The following LRIT3 variants were observed in gnomAD, a reference collection of about 807,000 sequenced individuals.
The protein encoded by LRIT3 is leucine rich repeat, Ig-like and transmembrane domains 3, also known as leucine-rich repeat, immunoglobulin-like domain and transmembrane domain-containing protein 3.
LRIT3 carries 14 observed loss-of-function variants against 22.6 expected under a neutral mutation model. That is an observed-to-expected ratio of 0.62 (90% CI 0.41 to 0.97). LRIT3 has a LOEUF of 0.97. Ranked by LOEUF, LRIT3 falls within the 50% of genes least tolerant of loss-of-function variation. The pLI is 0.00. For synonymous variants in LRIT3, 306 were observed against 304.5 expected (o/e 1.01, Z -0.05); for missense variants, 783 against 803.0 (o/e 0.98, Z 0.30).
chr4:109,871,486 A>G lies in LRIT3; in HGVS notation c.*697A>G, dbSNP rs1198056270. 2.6e-5 allele frequency: 4 copies of G among 152,234 alleles called. No homozygotes were observed. The highest frequency in any genetic ancestry group is 5.9e-5 in the Non-Finnish European group (4 of 68,038). The allele number at this position is 152,234 out of a possible 1,614,324, so 9.4% of individuals were successfully genotyped here. On this transcript the variant is annotated 3_prime_UTR_variant, in exon 4 of 4. Transcript: ENST00000594814. ...TTAAACACATCGACTGACAGATTAT[A>G]TGGATATTTAAAAATAACTTTAAAT...
At position 109,870,163 on chromosome 4, in the gene LRIT3, C is replaced by G. The variant is rs980033089; in HGVS notation, c.1414C>G (p.Leu472Val). 8.1e-6 allele frequency: 13 copies of G among 1,614,082 alleles called. No homozygotes were observed. In the African/African-American group the frequency reaches 1.7e-4, roughly 22 times the overall value. Residue 472 changes from leucine to valine, a missense_variant, in exon 4 of 4, where the codon CTG (leucine) becomes GTG (valine). Coordinates refer to ENST00000594814, the MANE Select transcript of LRIT3 (RefSeq NM_198506.5). ...AGCCAGCACAAGTAAGAAAGAAGAG[C>G]TGGCATTGTTGGATCAAACAATGCT... ...PPASTSKKEE[L>V]ALLDQTMLTE...
chr4:109,852,830 C>A (rs1385115360), intron 2 of LRIT3, among the ~76,000 whole-genome samples: 1 of 152,048 alleles, frequency 6.6e-6, no homozygotes, highest in African/African-American at 2.4e-5. Context: ...TGAGTGAGAA[C>A]ATGCAGTGTT....
chr4:109,868,991 T>C (rs1734754199), intron 3 of LRIT3, among the ~76,000 whole-genome samples: 1 of 152,182 alleles, frequency 6.6e-6, no homozygotes, highest in Admixed American at 6.5e-5. Context: ...TACCCAGATA[T>C]CAGAGTTTAG....
chr4:109,866,872 C>T (rs116384554), intron 2 of LRIT3, among the ~76,000 whole-genome samples: 5 of 152,140 alleles, frequency 3.3e-5, no homozygotes, highest in Non-Finnish European at 7.4e-5. Context: ...GTCCGCTAAC[C>T]GCATTGCTTG....
chr4:109,849,484 A>G (rs1292596891), intron 1 of LRIT3, among the ~76,000 whole-genome samples: 4 of 152,260 alleles, frequency 2.6e-5, no homozygotes, highest in Non-Finnish European at 1.5e-5. Context: ...ACTAAACTGT[A>G]TGGAGACCAA....
At chr4:109,855,691 C>T (rs933725877) in intron 2 of LRIT3, among the ~76,000 whole-genome samples, 11 of 151,606 alleles carry the variant, frequency 7.3e-5, no homozygotes, top group Non-Finnish European at 1.3e-4. Flanking sequence ...CTATAAATTT[C>T]GCTCTACACA....
intron 2 of LRIT3, among the ~76,000 whole-genome samples, chr4:109,863,242 G>A (rs997930380): frequency 6.6e-6 from 1 of 152,160 alleles, no homozygotes; most frequent in Non-Finnish European, 1.5e-5. Flanking sequence ...TGGCGGTTAA[G>A]AGCTTTAACC....
In LRIT3 at chr4:109,870,650, C is replaced by T; in HGVS notation, c.1901C>T (p.Pro634Leu). The T allele has an allele frequency of 6.2e-7, 1 of 1,614,022 alleles. No homozygotes were observed. Among genetic ancestry groups the T allele is most frequent in the Non-Finnish European group, 8.5e-7 (1 of 1,179,984 alleles). ...TATATCCAATTTGAGACCCTGTTTC[C>T]CAGGTCTCAAAGTGTAGGTGAGCTC... ...ETYIQFETLF[P>L]RSQSVGELWT... Residue 634 changes from proline (P) to leucine (L), a missense_variant, in exon 4 of 4, where the codon CCC (proline) becomes CTC (leucine). Coordinates refer to ENST00000594814, the MANE Select transcript of LRIT3 (RefSeq NM_198506.5).
At chr4:109,868,368 T>G (rs1734737457) in intron 3 of LRIT3, among the ~76,000 whole-genome samples, 1 of 152,076 alleles carries the variant, frequency 6.6e-6, no homozygotes, top group Non-Finnish European at 1.5e-5. Context: ...GTCAGGAGTT[T>G]GAGACCAGCC....
rs1279013186 is a variant in LRIT3, at chr4:109,867,793, T to G, written c.742T>G (p.Leu248Val). 4 of 1,614,064 alleles carry G rather than the reference T, an allele frequency of 2.5e-6. No homozygotes were observed. The highest frequency in any genetic ancestry group is 3.3e-5 in the Admixed American group (2 of 60,002). The change falls in exon 3 of 4, where the codon TTG becomes GTG. Residue 248 changes from leucine (L) to valine (V), a missense_variant. By Grantham distance (32) the Leu-to-Val change is conservative. This residue lies in a region of LRIT3 where 756 missense variants were observed against 753.8 expected (regional missense o/e 1.00). Coordinates refer to ENST00000594814, the MANE Select transcript of LRIT3 (RefSeq NM_198506.5). Reference sequence around the variant, plus strand: ...AGGAATTTTGTTTCAGCGGGCTGAATTGGAGCATTGTCTGAAACCATCAGT... The same window carrying G: ...AGGAATTTTGTTTCAGCGGGCTGAAGTGGAGCATTGTCTGAAACCATCAGT... ...LTGILFQRAE[L>V]EHCLKPSVMT...
chr4:109,850,411 C>T (rs187322696), intron 1 of LRIT3, among the ~76,000 whole-genome samples: 819 of 11,330 alleles, frequency 0.072, 20 homozygotes, highest in African/African-American at 0.2. Flanking sequence ...TCCTTCCTTC[C>T]TTCCTTCCTT....
At chr4:109,850,789 A>G (rs1363330117) in intron 1 of LRIT3, among the ~76,000 whole-genome samples, 1 of 151,884 alleles carries the variant, frequency 6.6e-6, no homozygotes, top group African/African-American at 2.4e-5. Flanking sequence ...GACATTGCCC[A>G]GTGTTGTTTT....
chr4:109,850,417 TC>T (rs745896740), intron 1 of LRIT3, among the ~76,000 whole-genome samples: 1,143 of 20,278 alleles, frequency 0.056, 189 homozygotes, highest in African/African-American at 0.076. Flanking sequence ...CTTCCTTCCT[TC>T]CTTCCTTTCT....
chr4:109,865,127 A>C lies in LRIT3; in HGVS notation c.590-2514A>C, dbSNP rs537110351. On this transcript the variant is annotated intron_variant, in intron 2 of 3. Transcript: ENST00000594814. ...TTATTTTTATTTTATAGGCTGATAG[A>C]ACGTTACGGCTGTAAAAAGCTCTAG... 2.3e-5 allele frequency: 33 copies of C among 1,439,568 alleles called. No homozygotes were observed. The African/African-American group carries it at 4.5e-4, about 19-fold the overall frequency. The allele number at this position is 1,439,568 out of a possible 1,614,324, so 89.2% of individuals were successfully genotyped here. A position where few individuals can be genotyped will look rare whatever the true frequency, so the allele number is the denominator to read the frequency against.
intron 1 of LRIT3, among the ~76,000 whole-genome samples, chr4:109,849,490 A>G (rs1734155997): frequency 6.6e-6 from 1 of 152,234 alleles, no homozygotes; most frequent in Admixed American, 6.5e-5. Flanking sequence ...CTGTATGGAG[A>G]CCAAATGACT....
In LRIT3 at chr4:109,869,976, C is replaced by T; in HGVS notation, c.1227C>T (p.Ser409=). Residue 409 remains serine (S), a synonymous_variant, in exon 4 of 4, where the codon TCC becomes TCT. Coordinates refer to ENST00000594814, the MANE Select transcript of LRIT3 (RefSeq NM_198506.5). The stretch of plus-strand genomic sequence containing the variant: ...CTTTGTCTCCTCCCTCTACTGCTTC[C>T]TTCTCTTTATCTCCTTTCTCCTCCT... ...ASTLSPPSTA[S]FSLSPFSSST... 1.2e-6 allele frequency: 2 copies of T among 1,614,056 alleles called. No individual in the cohort carries two copies. The highest frequency in any genetic ancestry group is 1.7e-6 in the Non-Finnish European group (2 of 1,179,934).
In LRIT3 at chr4:109,867,724, C is replaced by T. The variant is rs1214788160; in HGVS notation, c.673C>T (p.Leu225Phe). ...AAAGGTCGTTGACCCTGCTATAGTG[C>T]TTCTGGATCCACTGATGACTTGCAG... ...LSKVVDPAIV[L>F]LDPLMTCSEP... The change falls in exon 3 of 4, where the codon CTT becomes TTT. Residue 225 changes from leucine to phenylalanine, a missense_variant. Coordinates refer to ENST00000594814, the MANE Select transcript of LRIT3 (RefSeq NM_198506.5). 1 of 1,614,158 alleles carries T rather than the reference C, an allele frequency of 6.2e-7. No homozygotes were observed. The highest frequency in any genetic ancestry group is 1.7e-5 in the Admixed American group (1 of 60,020).
chr4:109,858,652 C>T (rs1013064548), intron 2 of LRIT3, among the ~76,000 whole-genome samples: 8 of 152,016 alleles, frequency 5.3e-5, no homozygotes, highest in South Asian at 2.1e-4. Flanking sequence ...AAATGTTTTT[C>T]GACAGCAGTA....
At chr4:109,855,591 G>A (rs1253935357) in intron 2 of LRIT3, among the ~76,000 whole-genome samples, 3 of 152,064 alleles carry the variant, frequency 2.0e-5, no homozygotes, top group African/African-American at 7.2e-5. Context: ...GCTTTTGAAT[G>A]TGTTTGCTCT....
Sources: allele counts gnomAD v4.1 joint callset (sites outside exome capture counted in the v4.1 genomes callset), GRCh38; gene constraint gnomAD v4.1.1; regional missense constraint gnomAD v4.1.1; transcripts MANE v1.5; gene names NCBI Gene and HGNC (gene_info 2026-07-23, HGNC 2026-07-21).